The following TBC1D22A variants were observed in gnomAD, a reference collection of about 807,000 sequenced individuals.
TBC1D22A encodes the protein putative GTPase activator.
Under a neutral mutation model 60.2 loss-of-function variants are expected in TBC1D22A, and 38 were observed. The observed-to-expected ratio is 0.63, with a 90% CI of 0.49 to 0.83. The LOEUF (loss-of-function observed/expected upper bound fraction) is 0.83, where lower values mean the gene tolerates loss of function less well. Among genes scored for constraint, TBC1D22A ranks in the 40% least tolerant of loss-of-function variants. The pLI, the probability that TBC1D22A is intolerant of heterozygous loss-of-function variation, is 0.00. For synonymous variants in TBC1D22A, 302 were observed against 281.7 expected (o/e 1.07, Z -0.72); for missense variants, 628 against 701.0 (o/e 0.90, Z 1.18).
intron 11 of TBC1D22A, among the ~76,000 whole-genome samples, chr22:47,050,248 G>A (rs1301004309): frequency 3.3e-5 from 5 of 151,622 alleles, no homozygotes; most frequent in South Asian, 2.1e-4. Flanking sequence ...CAAGTGATCC[G>A]CCCGCCTCGG....
At chr22:47,053,814 A>G (rs528174774) in intron 11 of TBC1D22A, among the ~76,000 whole-genome samples, 1 of 152,360 alleles carries the variant, frequency 6.6e-6, no homozygotes, top group East Asian at 1.9e-4. Context: ...GGACTCAGAC[A>G]TATACCAGCG....
At chr22:46,776,805 C>T (rs957892049) in intron 1 of TBC1D22A, among the ~76,000 whole-genome samples, 8 of 151,976 alleles carry the variant, frequency 5.3e-5, no homozygotes, top group African/African-American at 9.7e-5. Context: ...AGAGCCCTCC[C>T]GAGAGGGGAT....
rs540497968 is a variant in TBC1D22A, at chr22:46,990,605, G to A, written c.1126-7029G>A. 5.3e-5 allele frequency among the ~76,000 whole-genome samples: 8 copies of A among 152,150 alleles called. No homozygotes were observed. In the East Asian group the frequency reaches 1.2e-3, roughly 22 times the overall value. On this transcript the variant is annotated intron_variant, in intron 9 of 12. Transcript: ENST00000337137. The surrounding 1 kb of genome is among the most constrained non-coding windows in gnomAD (Gnocchi z 4.6). ...GACATGAGTCCACCAAGAAAGTGTC[G>A]CACAGTGTCGTCCCCTGCCCTGAAC...
chr22:46,792,911 T>A (rs1423057803), intron 2 of TBC1D22A: 2 of 1,385,792 alleles, frequency 1.4e-6, no homozygotes, highest in Non-Finnish European at 1.9e-6. Flanking sequence ...CTTCCCGCAT[T>A]CTCCACCAGC....
chr22:46,791,823 C>T (rs945670721), intron 1 of TBC1D22A, among the ~76,000 whole-genome samples: 3 of 152,224 alleles, frequency 2.0e-5, no homozygotes, highest in Non-Finnish European at 2.9e-5. Context: ...TGCAGTGGCA[C>T]GATCTCGGCT....
intron 10 of TBC1D22A, among the ~76,000 whole-genome samples, chr22:47,016,309 C>T (rs1422298888): frequency 6.6e-6 from 1 of 152,156 alleles, no homozygotes; most frequent in African/African-American, 2.4e-5. Flanking sequence ...GCTGTGGGTG[C>T]CATCATCCTG....
intron 11 of TBC1D22A, among the ~76,000 whole-genome samples, chr22:47,076,725 G>T (rs2147538483): frequency 6.6e-6 from 1 of 151,952 alleles, no homozygotes. Context: ...CGTTTGCTTT[G>T]ACTGCATGTA....
intron 4 of TBC1D22A, among the ~76,000 whole-genome samples, chr22:46,826,925 T>C (rs2086094675): frequency 6.6e-6 from 1 of 151,524 alleles, no homozygotes; most frequent in African/African-American, 2.4e-5. Flanking sequence ...CACGAAAACG[T>C]AAATCTGGTT....
chr22:47,067,056 A>G (rs1365579467), intron 11 of TBC1D22A, among the ~76,000 whole-genome samples: 1 of 152,172 alleles, frequency 6.6e-6, no homozygotes, highest in Non-Finnish European at 1.5e-5. Context: ...ATTTGAGGTC[A>G]GGAGTTTGAG....
At chr22:46,805,834 CCTTCTT>C (rs138362506) in intron 4 of TBC1D22A, among the ~76,000 whole-genome samples, 1,436 of 139,540 alleles carry the variant, frequency 0.01, 8 homozygotes, top group African/African-American at 0.016. Flanking sequence ...GTCTTTCTGT[CCTTCTT>C]CTTCTTCTTC....
chr22:47,090,201 C>A (rs957982814), intron 11 of TBC1D22A, among the ~76,000 whole-genome samples: 1 of 152,196 alleles, frequency 6.6e-6, no homozygotes, highest in Non-Finnish European at 1.5e-5. Context: ...GATGAAGATT[C>A]CGGGGCTTGC....
intron 12 of TBC1D22A, among the ~76,000 whole-genome samples, chr22:47,111,805 C>T (rs544587443): frequency 1.7e-4 from 26 of 152,310 alleles, no homozygotes; most frequent in African/African-American, 4.1e-4. Context: ...GCAGTGGAAA[C>T]GCTGCCCACG....
chr22:47,083,892 A>G (rs2064575144), intron 11 of TBC1D22A, among the ~76,000 whole-genome samples: 1 of 152,214 alleles, frequency 6.6e-6, no homozygotes, highest in Non-Finnish European at 1.5e-5. Context: ...AATGCTAGCA[A>G]ATGTGTAGCG....
At chr22:47,041,535 A>C (rs8139696) in intron 11 of TBC1D22A, among the ~76,000 whole-genome samples, 54,204 of 152,062 alleles carry the variant, frequency 0.36, 10,653 homozygotes, top group Middle Eastern at 0.58. Flanking sequence ...CTGGTCACCA[A>C]ACAGATCTGG....
intron 11 of TBC1D22A, among the ~76,000 whole-genome samples, chr22:47,068,959 CATATT>C (rs1400077304): frequency 6.6e-6 from 1 of 152,150 alleles, no homozygotes; most frequent in Non-Finnish European, 1.5e-5. Context: ...CGTAATTAGA[CATATT>C]ATTTGTGACT....
intron 4 of TBC1D22A, among the ~76,000 whole-genome samples, chr22:46,845,579 C>T (rs1164533108): frequency 6.6e-6 from 1 of 152,208 alleles, no homozygotes; most frequent in Non-Finnish European, 1.5e-5. Context: ...TGAGTTAAAT[C>T]ATTCAAGGAA....
chr22:46,919,339 C>G (rs746194135), intron 8 of TBC1D22A, among the ~76,000 whole-genome samples: 15 of 152,194 alleles, frequency 9.9e-5, no homozygotes, highest in Admixed American at 3.3e-4. Flanking sequence ...TCAGTACTTC[C>G]TTCATTCCGT....
intron 12 of TBC1D22A, among the ~76,000 whole-genome samples, chr22:47,137,252 A>C (rs191965391): frequency 6.6e-6 from 1 of 152,310 alleles, no homozygotes; most frequent in East Asian, 1.9e-4. Flanking sequence ...ACACAGAAGA[A>C]GTTGCATTGA....
intron 4 of TBC1D22A, among the ~76,000 whole-genome samples, chr22:46,822,358 T>C (rs956278494): frequency 2.0e-5 from 3 of 152,194 alleles, no homozygotes; most frequent in African/African-American, 7.2e-5. Flanking sequence ...TCGTTGATTC[T>C]TTCTCATCTT....
Sources: allele counts gnomAD v4.1 joint callset (sites outside exome capture counted in the v4.1 genomes callset), GRCh38; gene constraint gnomAD v4.1.1; non-coding constraint Gnocchi (gnomAD v3.1); transcripts MANE v1.5; gene names NCBI Gene and HGNC (gene_info 2026-07-23, HGNC 2026-07-21).